The following C14orf132 variants were observed in gnomAD, a reference collection of about 807,000 sequenced individuals.
The protein encoded by C14orf132 is chromosome 14 open reading frame 132, also known as uncharacterized protein C14orf132.
Under a neutral mutation model 5.8 loss-of-function variants are expected in C14orf132, and 6 were observed. The observed-to-expected ratio is 1.03, with a 90% CI of 0.57 to 2.04. The LOEUF (loss-of-function observed/expected upper bound fraction) is 2.04. C14orf132 is among the 30% of genes most tolerant of loss of function. C14orf132 has a pLI of 0.00. For synonymous variants in C14orf132, 51 were observed against 49.8 expected, an observed-to-expected ratio of 1.02 and a Z score of -0.10; for missense variants, 125 against 115.8, an observed-to-expected ratio of 1.08 and a Z score of -0.37.
intron 1 of C14orf132, among the ~76,000 whole-genome samples, chr14:96,069,408 C>G (rs1196455143): frequency 1.3e-5 from 2 of 151,614 alleles, no homozygotes. Context: ...CCGTGATACT[C>G]AGGCAATTTG....
At chr14:96,040,113 C>T (rs1886648002) in intron 1 of C14orf132, among the ~76,000 whole-genome samples, 1 of 151,742 alleles carries the variant, frequency 6.6e-6, no homozygotes, top group African/African-American at 2.4e-5. Flanking sequence ...CACCAGTGCC[C>T]AGCGCGGCCA....
intron 1 of C14orf132, among the ~76,000 whole-genome samples, chr14:96,070,596 T>TCTCA (rs755530241): frequency 0.01 from 1,471 of 142,620 alleles, 30 homozygotes; most frequent in African/African-American, 0.031. Context: ...TCTCTCTCTC[T>TCTCA]CACACACACA....
At chr14:96,052,727 C>T (rs561473782) in intron 1 of C14orf132, among the ~76,000 whole-genome samples, 9 of 152,204 alleles carry the variant, frequency 5.9e-5, no homozygotes, top group African/African-American at 2.2e-4. Context: ...CTCAAACTCC[C>T]CAGTCCCCAG....
intron 1 of C14orf132, among the ~76,000 whole-genome samples, chr14:96,049,649 TATATAGAGAG>T (rs1886969324): frequency 1.3e-5 from 1 of 79,624 alleles, no homozygotes; most frequent in Non-Finnish European, 2.4e-5. Context: ...CGTATATATA[TATATAGAGAG>T]AGAGAGAGAG....
intron 1 of C14orf132, among the ~76,000 whole-genome samples, chr14:96,048,836 A>G (rs1307075003): frequency 6.6e-6 from 1 of 151,996 alleles, no homozygotes; most frequent in Non-Finnish European, 1.5e-5. Flanking sequence ...TGCTTTTTCC[A>G]TTTTAGTGCT....
At chr14:96,070,916 C>T (rs992154979) in intron 1 of C14orf132, among the ~76,000 whole-genome samples, 2 of 152,106 alleles carry the variant, frequency 1.3e-5, no homozygotes, top group Admixed American at 1.3e-4. Flanking sequence ...TAATGACTGC[C>T]ACACTGTAAA....
chr14:96,075,821 T>C (rs1217929626), intron 1 of C14orf132, among the ~76,000 whole-genome samples: 1 of 152,208 alleles, frequency 6.6e-6, no homozygotes, highest in African/African-American at 2.4e-5. Context: ...TCTCGTTGAC[T>C]ACTTTTTGTC....
chr14:96,064,363 T>C (rs4905423), intron 1 of C14orf132, among the ~76,000 whole-genome samples: 33,011 of 135,404 alleles, frequency 0.24, 4,317 homozygotes, highest in Non-Finnish European at 0.3. Flanking sequence ...GGTGCATATA[T>C]ACACACACAC....
intron 1 of C14orf132, among the ~76,000 whole-genome samples, chr14:96,057,154 C>T (rs1328116114): frequency 1.3e-5 from 2 of 152,224 alleles, no homozygotes; most frequent in Non-Finnish European, 2.9e-5. Context: ...AGTCAGGAAA[C>T]AAATGGGCTT....
chr14:96,051,674 A>G (rs1018122064), intron 1 of C14orf132, among the ~76,000 whole-genome samples: 5 of 152,164 alleles, frequency 3.3e-5, no homozygotes, highest in Non-Finnish European at 2.9e-5. Context: ...CCCTTCCTGC[A>G]TCTCCTGCCT....
intron 1 of C14orf132, among the ~76,000 whole-genome samples, chr14:96,051,441 C>T (rs11626641): frequency 0.52 from 79,452 of 152,072 alleles, 21,595 homozygotes; most frequent in East Asian, 0.72. Context: ...CTGAGGCCCA[C>T]GCAGTTTGCC....
At chr14:96,078,167 C>T (rs2139676908) in intron 1 of C14orf132, among the ~76,000 whole-genome samples, 1 of 152,374 alleles carries the variant, frequency 6.6e-6, no homozygotes, top group South Asian at 2.1e-4. Flanking sequence ...AGCCCCCACA[C>T]TCTTCAGACC....
rs1215535804 is a variant in C14orf132 at position 96,049,640 on chromosome 14, G to GTATATATATATA, written c.27+10116_27+10127dup. ...TATACGTATATATATACATATATAC[G>GTATATATATATA]TATATATATATATAGAGAGAGAGAG... is the stretch of plus-strand genomic sequence containing the variant. On this transcript the variant is annotated intron_variant, in intron 1 of 1. Transcript: ENST00000555004. Among the ~76,000 whole-genome samples, 2 of 44,578 alleles carry GTATATATATATA rather than the reference G, an allele frequency of 4.5e-5. 1 individual carries two copies. The highest frequency in any genetic ancestry group is 1.9e-4 in the African/African-American group (2 of 10,498). 29.2% of individuals were successfully genotyped at this position (44,578 alleles called of 152,430 possible).
chr14:96,054,963 C>T (rs532570553), intron 1 of C14orf132, among the ~76,000 whole-genome samples: 3 of 152,166 alleles, frequency 2.0e-5, no homozygotes, highest in African/African-American at 7.2e-5. Flanking sequence ...TGCTGTTCAG[C>T]CACGTCTCTC....
intron 1 of C14orf132, among the ~76,000 whole-genome samples, chr14:96,077,341 C>A (rs1887899714): frequency 6.6e-6 from 1 of 152,118 alleles, no homozygotes; most frequent in Non-Finnish European, 1.5e-5. Flanking sequence ...CCCCACCATT[C>A]CTATGTTGAA....
chr14:96,059,731 C>T (rs969037478), intron 1 of C14orf132, among the ~76,000 whole-genome samples: 18 of 152,234 alleles, frequency 1.2e-4, no homozygotes, highest in African/African-American at 4.3e-4. Context: ...GCCTTTCCTC[C>T]TCCCTGGACG....
Position 96,090,783 on chromosome 14 carries a change from C to T in C14orf132, c.*4048C>T. 2.2e-6 allele frequency: 1 copy of T among 456,066 alleles called. No homozygotes were observed. The highest frequency in any genetic ancestry group is 1.5e-5 in the South Asian group (1 of 64,560). The allele number at this position is 456,066 out of a possible 1,614,324, so 28.3% of individuals were successfully genotyped here. On this transcript the variant is annotated 3_prime_UTR_variant, in exon 2 of 2. Transcript: ENST00000555004. ...CCGGTTCAGCTGGAAGGCTTGGAGG[C>T]TGGCCAGACCACTCTGGCGTCTCCT...
intron 1 of C14orf132, among the ~76,000 whole-genome samples, chr14:96,049,653 T>G (rs10129814): frequency 0.17 from 13,979 of 81,854 alleles, 3,079 homozygotes; most frequent in Middle Eastern, 0.23. Context: ...TATATATATA[T>G]AGAGAGAGAG....
intron 1 of C14orf132, among the ~76,000 whole-genome samples, chr14:96,076,129 G>C (rs940217021): frequency 5.9e-5 from 9 of 151,950 alleles, no homozygotes; most frequent in African/African-American, 2.2e-4. Context: ...TTTTTCTTGA[G>C]TAAGTTTTGG....
Sources: allele counts gnomAD v4.1 joint callset (sites outside exome capture counted in the v4.1 genomes callset), GRCh38; gene constraint gnomAD v4.1.1; transcripts MANE v1.5; gene names NCBI Gene and HGNC (gene_info 2026-07-23, HGNC 2026-07-21).